The following ANKHD1 variants were observed in gnomAD, a reference collection of about 807,000 sequenced individuals.
ANKHD1 encodes the protein ankyrin repeat and KH domain-containing protein 1.
In ANKHD1, 31 loss-of-function variants were observed where a neutral mutation model predicts 230.5. The observed-to-expected ratio is 0.13, with a 90% CI of 0.10 to 0.18. ANKHD1 has a LOEUF of 0.18. ANKHD1 is among the 10% of genes least tolerant of loss of function. ANKHD1 has a pLI of 1.00. For synonymous variants in ANKHD1, 1,074 were observed against 1,117.6 expected (o/e 0.96, Z 0.78); for missense variants, 2,256 against 3,071.3 (o/e 0.73, Z 6.27).
chr5:140,454,068 T>C (rs1455225426), intron 7 of ANKHD1, among the ~76,000 whole-genome samples: 2 of 152,124 alleles, frequency 1.3e-5, no homozygotes, highest in Non-Finnish European at 2.9e-5. Context: ...GCAATCCTAG[T>C]CTCTGATAAA....
chr5:140,499,233 T>A (rs1458226662), intron 15 of ANKHD1, among the ~76,000 whole-genome samples: 2 of 151,756 alleles, frequency 1.3e-5, no homozygotes, highest in Non-Finnish European at 2.9e-5. Context: ...ATATTATATT[T>A]TCTTAAGTCA....
chr5:140,491,107 T>TATAC (rs1374679147), intron 14 of ANKHD1, among the ~76,000 whole-genome samples: 12 of 55,086 alleles, frequency 2.2e-4, no homozygotes, highest in Admixed American at 1.7e-3. Context: ...TATATATATA[T>TATAC]ACACACACAC....
intron 29 of ANKHD1, among the ~76,000 whole-genome samples, chr5:140,530,656 G>C (rs1041240737): frequency 6.6e-6 from 1 of 152,238 alleles, no homozygotes; most frequent in East Asian, 1.9e-4. Context: ...TCTGAGGTCA[G>C]TTTTGGCTTG....
intron 15 of ANKHD1, 163 bp from the exon 16 acceptor site, chr5:140,504,658 T>G: frequency 1.1e-6 from 1 of 932,324 alleles, no homozygotes; most frequent in South Asian, 2.1e-5. Context: ...AGAAAGTCAG[T>G]GTTGGAACTA....
intron 10 of ANKHD1, among the ~76,000 whole-genome samples, chr5:140,481,297 T>A (rs1410919762): frequency 6.6e-6 from 1 of 152,076 alleles, no homozygotes; most frequent in Non-Finnish European, 1.5e-5. Flanking sequence ...AATGTTAGAT[T>A]TACCTAAATT....
intron 29 of ANKHD1, among the ~76,000 whole-genome samples, chr5:140,533,948 A>T (rs1258269744): frequency 6.6e-6 from 1 of 151,830 alleles, no homozygotes; most frequent in East Asian, 1.9e-4. Flanking sequence ...AGAAAATTTA[A>T]TTTTTTTTGT....
At chr5:140,457,271 T>C (rs1412398765) in intron 7 of ANKHD1, among the ~76,000 whole-genome samples, 1 of 152,226 alleles carries the variant, frequency 6.6e-6, no homozygotes, top group Non-Finnish European at 1.5e-5. Context: ...GTTGACTAGT[T>C]CAACCATTGT....
chr5:140,435,808 C>T (rs1773403987), intron 1 of ANKHD1, among the ~76,000 whole-genome samples: 1 of 152,092 alleles, frequency 6.6e-6, no homozygotes, highest in Non-Finnish European at 1.5e-5. Context: ...CTGCTAGGAT[C>T]ACAGGCGTGG....
chr5:140,450,544 C>G (rs113917468), intron 7 of ANKHD1, among the ~76,000 whole-genome samples: 2,299 of 151,834 alleles, frequency 0.015, 62 homozygotes, highest in African/African-American at 0.052. Context: ...CTCTCTCTCT[C>G]TCTCTTTATT....
At chr5:140,502,225 T>G (rs1752338294) in intron 15 of ANKHD1, among the ~76,000 whole-genome samples, 2 of 152,220 alleles carry the variant, frequency 1.3e-5, no homozygotes, top group South Asian at 4.1e-4. Flanking sequence ...CCACATGCAC[T>G]TTTTAAATCT....
At chr5:140,496,461 CTTTTTTTTTTTTTTTTTTT>C in intron 14 of ANKHD1, 40 bp from the exon 15 acceptor site, 1 of 511,148 alleles carries the variant, frequency 2.0e-6, no homozygotes, top group Admixed American at 8.4e-5. Flanking sequence ...TTTTTCTTTT[CTTTTTTTTTTTTTTTTTTT>C]TTAGCATGGC....
At chr5:140,533,116 C>T (rs865978169) in intron 29 of ANKHD1, among the ~76,000 whole-genome samples, 1 of 148,954 alleles carries the variant, frequency 6.7e-6, no homozygotes, top group African/African-American at 2.6e-5. Flanking sequence ...AAAAAGCTAT[C>T]ATGATCTTTA....
chr5:140,482,547 A>G (rs1751331278), intron 10 of ANKHD1, 33 bp from the exon 11 acceptor site: 1 of 1,604,780 alleles, frequency 6.2e-7, no homozygotes. Flanking sequence ...GACTGTTGGC[A>G]TTGATGGATT....
At chr5:140,420,185 T>C (rs770734946) in intron 1 of ANKHD1, among the ~76,000 whole-genome samples, 1 of 151,218 alleles carries the variant, frequency 6.6e-6, no homozygotes, top group Non-Finnish European at 1.5e-5. Flanking sequence ...AGACAAGGTC[T>C]CACCATTTTG....
chr5:140,447,374 A>G lies in ANKHD1; in HGVS notation c.1147+1399A>G, dbSNP rs116508645. On this transcript the variant is annotated intron_variant, in intron 6 of 33. Transcript: ENST00000360839. ...CACACCACCATACCCAGCTAATTTTATTTTTATTTTTTTGTAGAGATGGGG... is the reference window on the plus strand; with the variant it reads ...CACACCACCATACCCAGCTAATTTTGTTTTTATTTTTTTGTAGAGATGGGG... Among the ~76,000 whole-genome samples, 666 of 151,930 alleles carry G rather than the reference A, an allele frequency of 4.4e-3. 4 individuals are homozygous for G. Among genetic ancestry groups the G allele is most frequent in the African/African-American group, 0.015 (627 of 41,422 alleles).
chr5:140,452,664 G>A (rs559523977), intron 7 of ANKHD1, among the ~76,000 whole-genome samples: 106 of 152,316 alleles, frequency 7.0e-4, no homozygotes, highest in African/African-American at 2.5e-3. Flanking sequence ...GGTCCTGACT[G>A]TTAGAAGGAA....
chr5:140,482,775 G>A, intron 11 of ANKHD1, 108 bp downstream of exon 11: 1 of 1,166,194 alleles, frequency 8.6e-7, no homozygotes, highest in Non-Finnish European at 1.2e-6. Flanking sequence ...GTAAAGTATT[G>A]TATTCTTGCC....
intron 1 of ANKHD1, among the ~76,000 whole-genome samples, chr5:140,417,944 A>G (rs368702768): frequency 1.3e-5 from 2 of 149,558 alleles, no homozygotes. Context: ...GGTTCAAGCA[A>G]TTCTCCTGCT....
At chr5:140,498,241 T>C (rs1271367174) in intron 15 of ANKHD1, 1 of 152,268 alleles carries the variant, frequency 6.6e-6, no homozygotes, top group Non-Finnish European at 1.5e-5. Flanking sequence ...TCCTTACTGT[T>C]GTCTGTTGCC....
Sources: allele counts gnomAD v4.1 joint callset (sites outside exome capture counted in the v4.1 genomes callset), GRCh38; gene constraint gnomAD v4.1.1; transcripts MANE v1.5; gene names NCBI Gene and HGNC (gene_info 2026-07-23, HGNC 2026-07-21).